CCDC73: variants seen among roughly 807,000 people sequenced by gnomAD.
CCDC73 encodes coiled-coil domain-containing protein 73.
Under a neutral mutation model 116.5 loss-of-function variants are expected in CCDC73, and 95 were observed. That is an observed-to-expected ratio of 0.82 (90% CI 0.69 to 0.97). CCDC73 has a LOEUF of 0.97. CCDC73 is among the 50% of genes least tolerant of loss of function. CCDC73 has a pLI of 0.00. For missense variants in CCDC73, 1,066 were observed against 1,206.8 expected (o/e 0.88, Z 1.73); for synonymous variants, 398 against 401.3 (o/e 0.99, Z 0.10).
At chr11:32,794,433 C>T (rs1188538336) in intron 1 of CCDC73, 180 bp downstream of exon 1, 1 of 152,342 alleles carries the variant, frequency 6.6e-6, no homozygotes, top group Admixed American at 6.5e-5. Context: ...GTGGAAGATT[C>T]TAGACACAGC....
intron 9 of CCDC73, among the ~76,000 whole-genome samples, chr11:32,662,254 C>A (rs1195339749): frequency 6.6e-6 from 1 of 152,186 alleles, no homozygotes; most frequent in East Asian, 1.9e-4. Flanking sequence ...CTTAAGGAAT[C>A]GCCACACTGT....
At chr11:32,746,528 C>T (rs1850241198) in intron 2 of CCDC73, among the ~76,000 whole-genome samples, 1 of 152,180 alleles carries the variant, frequency 6.6e-6, no homozygotes, top group South Asian at 2.1e-4. Context: ...TGTTTTCTAA[C>T]TTGTTTCCAT....
chr11:32,724,378 A>G (rs915285117), intron 2 of CCDC73, among the ~76,000 whole-genome samples: 6 of 152,184 alleles, frequency 3.9e-5, no homozygotes, highest in Non-Finnish European at 8.8e-5. Context: ...GTGATAGTAT[A>G]GTTATTAATT....
At chr11:32,778,013 C>G (rs1328128953) in intron 1 of CCDC73, among the ~76,000 whole-genome samples, 1 of 152,102 alleles carries the variant, frequency 6.6e-6, no homozygotes, top group Non-Finnish European at 1.5e-5. Context: ...TGCCAAATAT[C>G]TTTGGAATCT....
At chr11:32,789,372 T>C (rs1307119686) in intron 1 of CCDC73, among the ~76,000 whole-genome samples, 1 of 152,172 alleles carries the variant, frequency 6.6e-6, no homozygotes, top group Non-Finnish European at 1.5e-5. Flanking sequence ...CTAAATCCAA[T>C]ATTAATGTAA....
chr11:32,802,345 C>A, the CCDC73 span, among the ~76,000 whole-genome samples: 2 of 152,096 alleles, frequency 1.3e-5, no homozygotes, highest in Non-Finnish European at 2.9e-5. Context: ...TAAAAACACA[C>A]CAACCATAAT....
At chr11:32,644,894 C>T (rs1335198255) in intron 12 of CCDC73, among the ~76,000 whole-genome samples, 1 of 152,118 alleles carries the variant, frequency 6.6e-6, no homozygotes. Context: ...TAGCAAAATG[C>T]ATTTGAGATT....
chr11:32,825,295 C>CT, the CCDC73 span, among the ~76,000 whole-genome samples: 72 of 64,460 alleles, frequency 1.1e-3, no homozygotes, highest in South Asian at 0.017. Context: ...CTGATGCAGA[C>CT]TTTTTTTTTT....
At chr11:32,655,099 T>TGTATTTTCCCTAGC in intron 9 of CCDC73, 127 bp from the exon 10 acceptor site, 1 of 72,292 alleles carries the variant, frequency 1.4e-5, no homozygotes, top group Non-Finnish European at 2.6e-5. Context: ...CCCTTGCAAG[T>TGTATTTTCCCTAGC]TCCCTTGCAA....
At chr11:32,650,805 G>A (rs536682397) in intron 12 of CCDC73, among the ~76,000 whole-genome samples, 29 of 152,232 alleles carry the variant, frequency 1.9e-4, no homozygotes, top group Admixed American at 4.6e-4. Context: ...ATGTTGCATT[G>A]CTCAGGTTCA....
At chr11:32,736,725 G>A (rs997005341) in intron 2 of CCDC73, among the ~76,000 whole-genome samples, 2 of 151,690 alleles carry the variant, frequency 1.3e-5, no homozygotes, top group Non-Finnish European at 2.9e-5. Context: ...TGTTTATTGC[G>A]GCACTATTCA....
the CCDC73 span, among the ~76,000 whole-genome samples, chr11:32,803,449 C>T: frequency 2.6e-5 from 4 of 152,228 alleles, no homozygotes; most frequent in African/African-American, 7.2e-5. Context: ...ATGTACTAAA[C>T]AGCATGCACC....
intron 3 of CCDC73, among the ~76,000 whole-genome samples, chr11:32,713,179 G>GA (rs555813645): frequency 6.6e-6 from 1 of 151,962 alleles, no homozygotes; most frequent in Non-Finnish European, 1.5e-5. Context: ...AAGTGAAATG[G>GA]AAAAAATATC....
intron 2 of CCDC73, among the ~76,000 whole-genome samples, chr11:32,752,133 C>T (rs1489818157): frequency 6.6e-6 from 1 of 152,118 alleles, no homozygotes; most frequent in Non-Finnish European, 1.5e-5. Context: ...AGAGAAAAAG[C>T]CCCAGTGTGA....
At chr11:32,827,933 A>T in the CCDC73 span, among the ~76,000 whole-genome samples, 8 of 152,324 alleles carry the variant, frequency 5.3e-5, no homozygotes, top group East Asian at 1.5e-3. Context: ...TTCAACCACA[A>T]TAAACCATGT....
chr11:32,657,586 C>A (rs1855885175), intron 9 of CCDC73, among the ~76,000 whole-genome samples: 1 of 152,054 alleles, frequency 6.6e-6, no homozygotes, highest in African/African-American at 2.4e-5. Context: ...GTGGGTATAG[C>A]AAACTCTCTG....
the CCDC73 span, chr11:32,829,896 AG>A: frequency 1.0e-6 from 1 of 985,370 alleles, no homozygotes; most frequent in East Asian, 1.1e-4. Context: ...GGGCGCGGCC[AG>A]GTGTCCCCAG....
chr11:32,716,355 C>G (rs1849944299), intron 3 of CCDC73, among the ~76,000 whole-genome samples: 1 of 152,144 alleles, frequency 6.6e-6, no homozygotes, highest in African/African-American at 2.4e-5. Context: ...GGATCTATTT[C>G]TAGATTCTGT....
chr11:32,695,411 C>T (rs1372402637), intron 6 of CCDC73, among the ~76,000 whole-genome samples: 1 of 151,724 alleles, frequency 6.6e-6, no homozygotes, highest in Admixed American at 6.6e-5. Flanking sequence ...GTTTCCACAC[C>T]TGAACTGTTG....
Sources: gnomAD v4.1 joint callset for allele counts (sites outside exome capture counted in the v4.1 genomes callset) on GRCh38, gnomAD v4.1.1 for gene constraint, MANE v1.5 for transcripts, NCBI Gene and HGNC (gene_info 2026-07-23, HGNC 2026-07-21) for gene names.